Variants in MAGI2 observed in about 807,000 individuals in gnomAD.
MAGI2 encodes membrane associated guanylate kinase, WW and PDZ domain containing 2, also known as membrane-associated guanylate kinase, WW and PDZ domain-containing protein 2.
A neutral mutation model predicts 133.3 loss-of-function variants in MAGI2; 35 were observed. The ratio of observed to expected loss-of-function variants is 0.26; its 90% CI spans 0.20 to 0.35. The LOEUF (loss-of-function observed/expected upper bound fraction) is 0.35, where lower values mean the gene tolerates loss of function less well. Among genes scored for constraint, MAGI2 ranks in the 10% least tolerant of loss-of-function variants. The probability of loss-of-function intolerance (pLI) is 1.00; values close to 1 mark genes in which losing one functional copy is unlikely to be tolerated. For missense variants in MAGI2, 1,636 were observed against 1,863.4 expected (o/e 0.88, Z 2.25); for synonymous variants, 729 against 710.6 (o/e 1.03, Z -0.41).
At chr7:78,683,496 G>A (rs1208435772) in intron 2 of MAGI2, among the ~76,000 whole-genome samples, 1 of 152,152 alleles carries the variant, frequency 6.6e-6, no homozygotes, top group African/African-American at 2.4e-5. Context: ...AAGTTTGTAA[G>A]GGCTTTTGGA....
At chr7:78,960,316 C>T (rs558426405) in intron 2 of MAGI2, among the ~76,000 whole-genome samples, 6 of 152,172 alleles carry the variant, frequency 3.9e-5, no homozygotes, top group East Asian at 1.9e-4. Context: ...TATGGTATAA[C>T]GTAGAACAGG....
intron 20 of MAGI2, among the ~76,000 whole-genome samples, chr7:78,122,136 G>A (rs898071818): frequency 1.3e-5 from 2 of 152,170 alleles, no homozygotes; most frequent in Non-Finnish European, 2.9e-5. Flanking sequence ...TCTGAGGGCT[G>A]GAGAGTAGGA....
intron 12 of MAGI2, among the ~76,000 whole-genome samples, chr7:78,188,478 T>C (rs1827900530): frequency 6.6e-6 from 1 of 152,196 alleles, no homozygotes; most frequent in Non-Finnish European, 1.5e-5. Context: ...CTCAGTACAA[T>C]TGAGGACATT....
chr7:79,406,605 C>T (rs1010716229), intron 1 of MAGI2, among the ~76,000 whole-genome samples: 1 of 152,204 alleles, frequency 6.6e-6, no homozygotes, highest in South Asian at 2.1e-4. Flanking sequence ...TGATTCATAG[C>T]TAATGAGTTC....
intron 10 of MAGI2, among the ~76,000 whole-genome samples, chr7:78,203,047 C>G (rs79502595): frequency 0.013 from 2,042 of 152,292 alleles, 39 homozygotes; most frequent in African/African-American, 0.046. Flanking sequence ...GGCTGATTGA[C>G]CATTGTCTTC....
intron 11 of MAGI2, among the ~76,000 whole-genome samples, chr7:78,199,723 G>A (rs1305165318): frequency 2.0e-5 from 3 of 152,170 alleles, no homozygotes; most frequent in Non-Finnish European, 2.9e-5. Context: ...GGAAGTCCAA[G>A]CCCTAGCTTT....
intron 2 of MAGI2, among the ~76,000 whole-genome samples, chr7:78,862,824 A>G (rs572636311): frequency 3.9e-5 from 6 of 152,292 alleles, no homozygotes; most frequent in African/African-American, 1.4e-4. Context: ...TTCTCTCACA[A>G]AGCCTCCATA....
At chr7:78,594,465 G>A (rs1390884560) in intron 3 of MAGI2, among the ~76,000 whole-genome samples, 1 of 151,848 alleles carries the variant, frequency 6.6e-6, no homozygotes. Context: ...TATTTTTTTT[G>A]TTGTTTTTTT....
intron 1 of MAGI2, among the ~76,000 whole-genome samples, chr7:79,336,911 A>C (rs1380553228): frequency 6.6e-6 from 1 of 152,020 alleles, no homozygotes; most frequent in African/African-American, 2.4e-5. Context: ...AAATCTAGAG[A>C]TCTAACACAC....
intron 2 of MAGI2, among the ~76,000 whole-genome samples, chr7:78,889,138 G>T (rs983179854): frequency 6.6e-6 from 1 of 152,132 alleles, no homozygotes; most frequent in Non-Finnish European, 1.5e-5. Context: ...AGTGGTGGAA[G>T]ATCAAATTAA....
At chr7:78,331,538 T>A (rs775487249) in intron 9 of MAGI2, among the ~76,000 whole-genome samples, 44 of 152,236 alleles carry the variant, frequency 2.9e-4, no homozygotes, top group Non-Finnish European at 6.3e-4. Flanking sequence ...ATTTAGTTAT[T>A]ACTTTTAGTT....
At chr7:79,016,115 A>T (rs2116636797) in intron 1 of MAGI2, among the ~76,000 whole-genome samples, 1 of 151,852 alleles carries the variant, frequency 6.6e-6, no homozygotes, top group Non-Finnish European at 1.5e-5. Flanking sequence ...TGGCAGAGAG[A>T]GCTGCTTAGA....
chr7:78,420,195 G>C (rs1798672412), intron 6 of MAGI2, among the ~76,000 whole-genome samples: 2 of 152,110 alleles, frequency 1.3e-5, no homozygotes, highest in South Asian at 4.2e-4. Context: ...ACAGCAACTA[G>C]AATCACTAAA....
chr7:78,645,639 T>G lies in MAGI2; in HGVS notation c.419-18400A>C, dbSNP rs977488196. 1.1e-4 allele frequency among the ~76,000 whole-genome samples: 10 copies of G among 90,372 alleles called. No homozygotes were observed. The East Asian group carries it at 2.2e-3, about 20-fold the overall frequency. 59.3% of individuals were successfully genotyped at this position (90,372 alleles called of 152,430 possible). On this transcript the variant is annotated intron_variant, in intron 2 of 21. Transcript: ENST00000354212. ...GTTAACTATTTTGCAGATATAAGTGTGGTGTGTGTGTGTGTGTGTGTGTGT... is the reference window on the plus strand; with the variant it reads ...GTTAACTATTTTGCAGATATAAGTGGGGTGTGTGTGTGTGTGTGTGTGTGT...
chr7:79,001,779 C>T (rs1180642106), intron 2 of MAGI2, among the ~76,000 whole-genome samples: 3 of 151,868 alleles, frequency 2.0e-5, no homozygotes, highest in Non-Finnish European at 4.4e-5. Flanking sequence ...TCCATATTAC[C>T]CAAGAGACAA....
intron 3 of MAGI2, among the ~76,000 whole-genome samples, chr7:78,592,340 A>ATTTT (rs200747288): frequency 0.013 from 1,854 of 147,364 alleles, 31 homozygotes; most frequent in African/African-American, 0.041. Flanking sequence ...ATAGTAGACT[A>ATTTT]TTTTTTTTTT....
At chr7:79,339,464 G>GGTT (rs71518927) in intron 1 of MAGI2, among the ~76,000 whole-genome samples, 1 of 134,548 alleles carries the variant, frequency 7.4e-6, no homozygotes, top group Non-Finnish European at 1.6e-5. Flanking sequence ...TTTTGTTTTT[G>GGTT]TTTTTTTTTT....
intron 1 of MAGI2, among the ~76,000 whole-genome samples, chr7:79,064,458 T>A (rs934824871): frequency 6.6e-6 from 1 of 152,088 alleles, no homozygotes; most frequent in Non-Finnish European, 1.5e-5. Context: ...CACATTTATC[T>A]TTTTAGAAGA....
intron 2 of MAGI2, among the ~76,000 whole-genome samples, chr7:78,987,171 G>A (rs1805345736): frequency 6.6e-6 from 1 of 152,016 alleles, no homozygotes; most frequent in Non-Finnish European, 1.5e-5. Flanking sequence ...ACAAGGCAAG[G>A]AGGTGAAGTT....
Sources: allele counts gnomAD v4.1 joint callset (sites outside exome capture counted in the v4.1 genomes callset), GRCh38; gene constraint gnomAD v4.1.1; transcripts MANE v1.5; gene names NCBI Gene and HGNC (gene_info 2026-07-23, HGNC 2026-07-21).